Variants in CAMSAP3 observed in about 807,000 individuals in gnomAD.
The protein encoded by CAMSAP3 is calmodulin-regulated spectrin-associated protein 3.
In CAMSAP3, 34 loss-of-function variants were observed where a neutral mutation model predicts 112.5. The observed-to-expected ratio is 0.30, with a 90% CI of 0.23 to 0.40. The LOEUF (loss-of-function observed/expected upper bound fraction) is 0.40. CAMSAP3 is among the 10% of genes least tolerant of loss of function. The pLI is 1.00. For synonymous variants in CAMSAP3, 868 were observed against 799.8 expected (o/e 1.09, Z -1.44); for missense variants, 1,602 against 1,770.3 (o/e 0.90, Z 1.71).
rs1464612519 is a variant in CAMSAP3 at position 7,617,878 on chromosome 19, C to T, written c.3571C>T (p.Arg1191Trp). The change falls in exon 17 of 17, where the codon CGG (arginine) becomes TGG (tryptophan). Residue 1191 changes from arginine (R) to tryptophan (W), a missense_variant. By Grantham distance (101) the Arg-to-Trp change is moderately radical. This residue lies in a region of CAMSAP3 where 150 missense variants were observed against 207.6 expected (regional missense o/e 0.72). Coordinates refer to ENST00000160298, the MANE Select transcript of CAMSAP3 (RefSeq NM_020902.2). The surrounding 1 kb of genome is among the most constrained non-coding windows in gnomAD (Gnocchi z 7.5). ...ELSRLAGYGPRTVTPAMVEGI... is the reference protein window; with the variant it reads ...ELSRLAGYGPWTVTPAMVEGI... The stretch of plus-strand genomic sequence containing the variant: ...GTCGCGGCTGGCAGGGTATGGGCCC[C>T]GGACCGTCACGCCCGCCATGGTGGA... 4 of 1,613,718 alleles carry T rather than the reference C, an allele frequency of 2.5e-6. No individual in the cohort carries two copies. The highest frequency in any genetic ancestry group is 8.5e-7 in the Non-Finnish European group (1 of 1,179,990).
At position 7,611,596 on chromosome 19, in the gene CAMSAP3, C is replaced by T. The variant is rs775152131; in HGVS notation, c.1193+10C>T. ...GGAACCGGCAGCTCAGGTGAGTAGA[C>T]CTCACAGGCCAGGGTAGGGGGTGGA... is the stretch of plus-strand genomic sequence containing the variant. On this transcript the variant is annotated intron_variant, in intron 10 of 16. Coordinates refer to ENST00000160298, the MANE Select transcript of CAMSAP3 (RefSeq NM_020902.2). This position sits in a 1 kb window ranked among gnomAD's most constrained non-coding sequence, Gnocchi z 6.9. 1 of 1,611,116 alleles carries T rather than the reference C, an allele frequency of 6.2e-7. No homozygotes were observed. The highest frequency in any genetic ancestry group is 8.5e-7 in the Non-Finnish European group (1 of 1,179,080).
In CAMSAP3 at chr19:7,615,613, T is replaced by C; in HGVS notation, c.3006T>C (p.Ala1002=). 1.4e-6 allele frequency: 2 copies of C among 1,458,902 alleles called. No homozygotes were observed. The highest frequency in any genetic ancestry group is 2.6e-5 in the East Asian group (1 of 38,186). The allele number at this position is 1,458,902 out of a possible 1,614,324, so 90.4% of individuals were successfully genotyped here. A position where few individuals can be genotyped will look rare whatever the true frequency, so the allele number is the denominator to read the frequency against. ...DDLDKVLRPR[A]AGSGGPGRGG... Reference sequence around the variant, plus strand: ...TCGATAAGGTGCTGCGGCCCCGGGCTGCGGGGTCCGGGGGTCCAGGTCGGG... The same window carrying C: ...TCGATAAGGTGCTGCGGCCCCGGGCCGCGGGGTCCGGGGGTCCAGGTCGGG... Residue 1002 remains alanine (A), a synonymous_variant, in exon 13 of 17, where the codon GCT becomes GCC. Transcript: ENST00000160298. This position sits in a 1 kb window ranked among gnomAD's most constrained non-coding sequence, Gnocchi z 6.5.
At position 7,605,451 on chromosome 19, in the gene CAMSAP3, C is replaced by A. The variant is rs779334786; in HGVS notation, c.374C>A (p.Ala125Asp). 8 of 1,458,948 alleles carry A rather than the reference C, an allele frequency of 5.5e-6. No homozygotes were observed. The highest frequency in any genetic ancestry group is 6.3e-6 in the Non-Finnish European group (7 of 1,103,112). 90.4% of individuals were successfully genotyped at this position (1,458,948 alleles called of 1,614,324 possible). ...PALPERPVRE[A>D]DLRHQPILMG... ...TTGCCCGAGCGCCCGGTGCGCGAGG[C>A]CGACCTGAGGCACCAGCCCATTCTC... is the stretch of plus-strand genomic sequence containing the variant. The change falls in exon 2 of 17, where the codon GCC becomes GAC. Residue 125 changes from alanine to aspartate, a missense_variant. Ala to Asp is a moderately radical substitution (Grantham distance 126). This residue lies in a region of CAMSAP3 where 35 missense variants were observed against 79.8 expected (regional missense o/e 0.44). Coordinates refer to ENST00000160298, the MANE Select transcript of CAMSAP3 (RefSeq NM_020902.2).
intron 1 of CAMSAP3, 76 bp from the exon 2 acceptor site, chr19:7,605,149 TG>T: frequency 4.3e-6 from 2 of 460,546 alleles, no homozygotes; most frequent in Non-Finnish European, 7.5e-6. Flanking sequence ...GGCCATGTGG[TG>T]TGTGTGTGTG....
rs1332159165 is a variant in CAMSAP3, at chr19:7,610,280, T to C, written c.761-196T>C. Among the ~76,000 whole-genome samples, 1 of 148,628 alleles carries C rather than the reference T, an allele frequency of 6.7e-6. No homozygotes were observed. The highest frequency in any genetic ancestry group is 1.5e-5 in the Non-Finnish European group (1 of 67,484). On this transcript the variant is annotated intron_variant, in intron 5 of 16. Coordinates refer to ENST00000160298, the MANE Select transcript of CAMSAP3 (RefSeq NM_020902.2). This position sits in a 1 kb window ranked among gnomAD's most constrained non-coding sequence, Gnocchi z 4.9. ...TTGCAGTGAGCTGGGATTGCGCCACTGCACTACAGCCTGGGTGACAGAGCG... is the reference window on the plus strand; with the variant it reads ...TTGCAGTGAGCTGGGATTGCGCCACCGCACTACAGCCTGGGTGACAGAGCG...
rs1197014152 is a variant in CAMSAP3, at chr19:7,617,656, C to T, written c.3439C>T (p.Leu1147=). The change falls in exon 16 of 17, where the codon CTG becomes TTG. Residue 1147 remains leucine (L), a synonymous_variant. Coordinates refer to ENST00000160298, the MANE Select transcript of CAMSAP3 (RefSeq NM_020902.2). This position sits in a 1 kb window ranked among gnomAD's most constrained non-coding sequence, Gnocchi z 7.5. ...KVNEPQKNRI[L]EEIEKSKANH... The stretch of plus-strand genomic sequence containing the variant: ...GAACGAACCGCAGAAGAATCGCATT[C>T]TGGAGGTGAGCCCGCCCACACGTGG... 1 of 1,614,070 alleles carries T rather than the reference C, an allele frequency of 6.2e-7. No individual in the cohort carries two copies. Among genetic ancestry groups the T allele is most frequent in the East Asian group, 2.2e-5 (1 of 44,876 alleles).
rs760140966 is a variant in CAMSAP3 at position 7,613,173 on chromosome 19, C to G, written c.2670+10C>G. The G allele has an allele frequency of 2.3e-6, 3 of 1,283,944 alleles. No homozygotes were observed. Among genetic ancestry groups the G allele is most frequent in the South Asian group, 3.0e-5 (2 of 66,072 alleles). 79.5% of individuals were successfully genotyped at this position (1,283,944 alleles called of 1,614,324 possible). On this transcript the variant is annotated intron_variant, in intron 11 of 16. Coordinates refer to ENST00000160298, the MANE Select transcript of CAMSAP3 (RefSeq NM_020902.2). ...GGGGTTCTTCTACAAGGTGAGTCCC[C>G]GAGCAGGTGGCTGGAGGGTCCTGGG...
chr19:7,599,147 G>A (rs963323075), intron 1 of CAMSAP3, among the ~76,000 whole-genome samples: 2 of 151,742 alleles, frequency 1.3e-5, no homozygotes, highest in Non-Finnish European at 1.5e-5. Flanking sequence ...CTCCAGCCTG[G>A]GCAACAGAGT....
In CAMSAP3 at chr19:7,611,714, C is replaced by T; in HGVS notation, c.1221C>T (p.Phe407=). Residue 407 remains phenylalanine, a synonymous_variant, in exon 11 of 17, where the codon TTC becomes TTT. Transcript: ENST00000160298. This position sits in a 1 kb window ranked among gnomAD's most constrained non-coding sequence, Gnocchi z 6.9. The part of the protein sequence containing the change: ...LSRPLSQAVS[F]STPFGLDSDV... Reference sequence around the variant, plus strand: ...GTCCCCTCTCCCAGGCTGTGTCATTCAGCACCCCCTTTGGCCTGGACAGCG... The same window carrying T: ...GTCCCCTCTCCCAGGCTGTGTCATTTAGCACCCCCTTTGGCCTGGACAGCG... 6.4e-7 allele frequency: 1 copy of T among 1,560,086 alleles called. No homozygotes were observed. Among genetic ancestry groups the T allele is most frequent in the Non-Finnish European group, 8.7e-7 (1 of 1,150,626 alleles).
Position 7,615,961 on chromosome 19 carries a change from G to A in CAMSAP3, c.3112+242G>A, listed in dbSNP as rs922882471. The stretch of plus-strand genomic sequence containing the variant: ...TCCCAGCACTTTGGGAGGCTGAGGC[G>A]GGCGGATCACCTGAGGTCAGGAGTT... On this transcript the variant is annotated intron_variant, in intron 13 of 16. Coordinates refer to ENST00000160298, the MANE Select transcript of CAMSAP3 (RefSeq NM_020902.2). The surrounding 1 kb of genome is among the most constrained non-coding windows in gnomAD (Gnocchi z 6.5). 2.6e-5 allele frequency among the ~76,000 whole-genome samples: 4 copies of A among 152,188 alleles called. No individual in the cohort carries two copies. Among genetic ancestry groups the A allele is most frequent in the Non-Finnish European group, 1.5e-5 (1 of 67,974 alleles).
Position 7,595,973 on chromosome 19 carries a change from G to A in CAMSAP3, c.-30G>A, listed in dbSNP as rs1207833863. Reference sequence around the variant, plus strand: ...GCCCAGCCCAGCCCAGTCCGAGCGCGGACCCGGCGCCCGCAGCCCCGGCGC... The same window carrying A: ...GCCCAGCCCAGCCCAGTCCGAGCGCAGACCCGGCGCCCGCAGCCCCGGCGC... On this transcript the variant is annotated 5_prime_UTR_variant, in exon 1 of 17. Coordinates refer to ENST00000160298, the MANE Select transcript of CAMSAP3 (RefSeq NM_020902.2). The A allele has an allele frequency of 1.9e-5, 20 of 1,039,540 alleles. 1 individual carries two copies. Among genetic ancestry groups the A allele is most frequent in the Non-Finnish European group, 8.1e-6 (7 of 858,990 alleles). 64.4% of individuals were successfully genotyped at this position (1,039,540 alleles called of 1,614,324 possible). A position where few individuals can be genotyped will look rare whatever the true frequency, so the allele number is the denominator to read the frequency against.
rs1303942192 is a variant in CAMSAP3, at chr19:7,612,505, G to A, written c.2012G>A (p.Gly671Asp). The change falls in exon 11 of 17, where the codon GGC becomes GAC. Residue 671 changes from glycine to aspartate, a missense_variant. Gly to Asp is a moderately conservative substitution (Grantham distance 94, BLOSUM62 -1). Coordinates refer to ENST00000160298, the MANE Select transcript of CAMSAP3 (RefSeq NM_020902.2). ...VPGGERPAGE[G>D]QGEPTSRPKA... ...GGTGGGGAGCGGCCCGCAGGCGAGG[G>A]CCAGGGTGAGCCAACCTCACGGCCC... The A allele has an allele frequency of 6.5e-7, 1 of 1,542,126 alleles. No individual in the cohort carries two copies. The highest frequency in any genetic ancestry group is 8.7e-7 in the Non-Finnish European group (1 of 1,146,390).
chr19:7,598,484 G>A (rs1033743537), intron 1 of CAMSAP3, among the ~76,000 whole-genome samples: 1 of 152,140 alleles, frequency 6.6e-6, no homozygotes, highest in Non-Finnish European at 1.5e-5. Context: ...GAGTAGTGAT[G>A]GCTCAGAGGA....
intron 4 of CAMSAP3, 78 bp from the exon 5 acceptor site, chr19:7,608,048 G>C: frequency 6.5e-7 from 1 of 1,546,624 alleles, no homozygotes; most frequent in South Asian, 1.2e-5. Context: ...GAAACCCCAG[G>C]CCTCCCTGCC....
rs770690543 is a variant in CAMSAP3 at position 7,618,087 on chromosome 19, C to G, written c.*30C>G. On this transcript the variant is annotated 3_prime_UTR_variant, in exon 17 of 17. Coordinates refer to ENST00000160298, the MANE Select transcript of CAMSAP3 (RefSeq NM_020902.2). The stretch of plus-strand genomic sequence containing the variant: ...ACCCGGGCGGTCCACGGGCCGGGCC[C>G]TGTGTGCTGCGGCCGCCATCCCCTG... 3 of 1,591,718 alleles carry G rather than the reference C, an allele frequency of 1.9e-6. No homozygotes were observed. The highest frequency in any genetic ancestry group is 1.1e-5 in the South Asian group (1 of 89,358).
intron 1 of CAMSAP3, among the ~76,000 whole-genome samples, chr19:7,597,797 A>T: frequency 6.6e-6 from 1 of 152,118 alleles, no homozygotes; most frequent in East Asian, 1.9e-4. Context: ...AAATTATCCC[A>T]TTTTGAAGAC....
chr19:7,611,175 AG>A lies in CAMSAP3; in HGVS notation c.1123+12del. The A allele has an allele frequency of 1.9e-6, 3 of 1,613,110 alleles. No homozygotes were observed. Among genetic ancestry groups the A allele is most frequent in the African/African-American group, 2.7e-5 (2 of 74,990 alleles). Reference sequence around the variant, plus strand: ...CCACTCCGAGGATCCACAGGTGAGGAGGGGGTAGGTGGCTTCTGTCACGGGG... The same window carrying A: ...CCACTCCGAGGATCCACAGGTGAGGAGGGGTAGGTGGCTTCTGTCACGGGG... On this transcript the variant is annotated splice_region_variant and intron_variant, in intron 9 of 16. Coordinates refer to ENST00000160298, the MANE Select transcript of CAMSAP3 (RefSeq NM_020902.2). The surrounding 1 kb of genome is among the most constrained non-coding windows in gnomAD (Gnocchi z 6.9).
In CAMSAP3 at chr19:7,613,105, TGGA is replaced by T; in HGVS notation, c.2621_2623del (p.Glu874del). 3 of 1,535,582 alleles carry T rather than the reference TGGA, an allele frequency of 2.0e-6. No homozygotes were observed. Among genetic ancestry groups the T allele is most frequent in the Non-Finnish European group, 1.8e-6 (2 of 1,142,168 alleles). Reference sequence around the variant, plus strand: ...AGCCCCGCTGGTGCTGAGGATTCCTTGGAGGAGGAGGCGTCTTCGGAGGGGGAG... The same window carrying T: ...AGCCCCGCTGGTGCTGAGGATTCCTTGGAGGAGGCGTCTTCGGAGGGGGAG... On this transcript the variant is annotated inframe_deletion, in exon 11 of 17. Coordinates refer to ENST00000160298, the MANE Select transcript of CAMSAP3 (RefSeq NM_020902.2).
chr19:7,597,851 G>A (rs946783186), intron 1 of CAMSAP3, among the ~76,000 whole-genome samples: 4 of 152,114 alleles, frequency 2.6e-5, no homozygotes, highest in East Asian at 3.8e-4. Flanking sequence ...AGCTCCCAGT[G>A]CCCTGACTCA....
Sources: gnomAD v4.1 joint callset for allele counts (sites outside exome capture counted in the v4.1 genomes callset) on GRCh38, gnomAD v4.1.1 for gene constraint, gnomAD v4.1.1 regional missense constraint, Gnocchi (gnomAD v3.1) non-coding constraint, MANE v1.5 for transcripts, NCBI Gene and HGNC (gene_info 2026-07-23, HGNC 2026-07-21) for gene names.